ALK: variants seen among roughly 807,000 people sequenced by gnomAD.
ALK encodes the protein ALK tyrosine kinase receptor.
In ALK, 74 loss-of-function variants were observed where a neutral mutation model predicts 163.1. The ratio of observed to expected loss-of-function variants is 0.45; its 90% CI spans 0.38 to 0.55. ALK has a LOEUF of 0.55. Among genes scored for constraint, ALK ranks in the 20% least tolerant of loss-of-function variants. ALK has a pLI of 0.00. For synonymous variants in ALK, 960 were observed against 843.2 expected (o/e 1.14, Z -2.40); for missense variants, 2,063 against 2,105.3 (o/e 0.98, Z 0.39).
intron 3 of ALK, among the ~76,000 whole-genome samples, chr2:29,689,570 A>G (rs1678335906): frequency 6.6e-6 from 1 of 152,202 alleles, no homozygotes; most frequent in Non-Finnish European, 1.5e-5. Context: ...GAAGGGTCTA[A>G]GAATTCACAG....
intron 1 of ALK, among the ~76,000 whole-genome samples, chr2:29,893,218 C>T (rs1272093339): frequency 6.6e-6 from 1 of 152,134 alleles, no homozygotes; most frequent in Non-Finnish European, 1.5e-5. Flanking sequence ...AAAGATTGCT[C>T]CATTTATTCT....
At chr2:29,756,466 T>C (rs1680534457) in intron 1 of ALK, among the ~76,000 whole-genome samples, 1 of 152,082 alleles carries the variant, frequency 6.6e-6, no homozygotes, top group South Asian at 2.1e-4. Flanking sequence ...GATGTCTTTA[T>C]AACTATTTCC....
chr2:29,224,596 T>A (rs1304376373), intron 19 of ALK: 1 of 228,550 alleles, frequency 4.4e-6, no homozygotes, highest in Non-Finnish European at 8.7e-6. Context: ...CCCCAACACA[T>A]GGGCCAGGGC....
intron 3 of ALK, among the ~76,000 whole-genome samples, chr2:29,620,420 C>A (rs910021158): frequency 6.8e-6 from 1 of 147,468 alleles, no homozygotes; most frequent in Admixed American, 7.0e-5. Flanking sequence ...TTGGCAACAA[C>A]CCTATTTTCA....
intron 11 of ALK, among the ~76,000 whole-genome samples, chr2:29,253,019 G>C (rs967443233): frequency 2.0e-5 from 3 of 151,812 alleles, no homozygotes; most frequent in Non-Finnish European, 4.4e-5. Context: ...TGAGATGGGG[G>C]TCTCACTCTC....
intron 4 of ALK, among the ~76,000 whole-genome samples, chr2:29,445,284 G>A (rs532370161): frequency 6.6e-6 from 1 of 152,326 alleles, no homozygotes; most frequent in African/African-American, 2.4e-5. Flanking sequence ...CCATGGAGAT[G>A]CACGGAGAAG....
intron 4 of ALK, among the ~76,000 whole-genome samples, chr2:29,416,979 C>G (rs1348815402): frequency 5.1e-5 from 4 of 77,672 alleles, no homozygotes; most frequent in East Asian, 7.5e-4. Flanking sequence ...ATGTTTGATG[C>G]TTTTTTTTTT....
intron 1 of ALK, among the ~76,000 whole-genome samples, chr2:29,900,995 G>GAGCA (rs58490938): frequency 0.29 from 42,703 of 148,542 alleles, 6,758 homozygotes; most frequent in Non-Finnish European, 0.36. Flanking sequence ...GAGAGAGAGA[G>GAGCA]AGCAAGCAAG....
At chr2:29,907,513 C>T (rs2148435295) in intron 1 of ALK, among the ~76,000 whole-genome samples, 1 of 152,334 alleles carries the variant, frequency 6.6e-6, no homozygotes, top group African/African-American at 2.4e-5. Context: ...GGTCTCTCCA[C>T]TCCATCTGCC....
chr2:29,253,927 C>T (rs570662764), intron 11 of ALK, among the ~76,000 whole-genome samples: 9 of 152,122 alleles, frequency 5.9e-5, no homozygotes, highest in Middle Eastern at 3.4e-3. Flanking sequence ...GTGTCCCCAC[C>T]GAAATCTCAT....
At chr2:29,569,143 G>A (rs1429237149) in intron 3 of ALK, among the ~76,000 whole-genome samples, 2 of 152,080 alleles carry the variant, frequency 1.3e-5, no homozygotes, top group African/African-American at 4.8e-5. Flanking sequence ...ACTTGAACCT[G>A]CCTATGGCTT....
intron 3 of ALK, among the ~76,000 whole-genome samples, chr2:29,655,495 TAAC>T (rs1677159765): frequency 6.6e-6 from 1 of 152,158 alleles, no homozygotes. Flanking sequence ...GAGGTTTCAC[TAAC>T]AACAGAGTGC....
In ALK at chr2:29,318,388, G is replaced by A. The variant is rs79904886; in HGVS notation, c.1563C>T (p.Leu521=). The part of the protein sequence containing the change: ...FQDHQDHALL[L]STTDVPASES... ...CAGAAGCGGGGACATCAGTGGTACT[G>A]AGCAATAGAGCATGGTCTAGGAGAG... Residue 521 remains leucine (L), a synonymous_variant, in exon 8 of 29, where the codon CTC becomes CTT. Coordinates refer to ENST00000389048, the MANE Select transcript of ALK (RefSeq NM_004304.5). 3.1e-6 allele frequency: 5 copies of A among 1,612,632 alleles called. No homozygotes were observed. The Admixed American group carries it at 8.3e-5, about 27-fold the overall frequency.
At chr2:29,691,524 T>TA (rs1383928218) in intron 3 of ALK, among the ~76,000 whole-genome samples, 10 of 151,968 alleles carry the variant, frequency 6.6e-5, no homozygotes, top group African/African-American at 1.5e-4. Flanking sequence ...ACATTTACTT[T>TA]AAAAAAAACA....
chr2:29,395,965 G>A (rs1213221641), intron 4 of ALK, among the ~76,000 whole-genome samples: 2 of 152,158 alleles, frequency 1.3e-5, no homozygotes, highest in African/African-American at 4.8e-5. Context: ...AGCCTCCCAT[G>A]TCATGGAAAA....
rs570768680 is a variant in ALK at position 29,880,964 on chromosome 2, G to T, written c.667+39029C>A. On this transcript the variant is annotated intron_variant, in intron 1 of 28. Transcript: ENST00000389048. Reference sequence around the variant, plus strand: ...TTAACTTTTTAGTAGTCTAGATCTGGCCCCGGACAGAGAAAGGAGCCAAGG... The same window carrying T: ...TTAACTTTTTAGTAGTCTAGATCTGTCCCCGGACAGAGAAAGGAGCCAAGG... Among the ~76,000 whole-genome samples, 5 of 152,244 alleles carry T rather than the reference G, an allele frequency of 3.3e-5. No homozygotes were observed. In the East Asian group the frequency reaches 9.6e-4, roughly 29 times the overall value.
Position 29,193,203 on chromosome 2 carries a change from G to GAA in ALK, c.*19_*20dup. 1 of 1,611,302 alleles carries GAA rather than the reference G, an allele frequency of 6.2e-7. No individual in the cohort carries two copies. The highest frequency in any genetic ancestry group is 8.5e-7 in the Non-Finnish European group (1 of 1,178,096). On this transcript the variant is annotated 3_prime_UTR_variant, in exon 29 of 29. Transcript: ENST00000389048. ...ACGGTCTTAGGGATCCCAAGGAAGA[G>GAA]AAGTGAGTGTGCGACCGAGCTCAGG...
At chr2:29,257,651 C>T (rs189162839) in intron 11 of ALK, among the ~76,000 whole-genome samples, 6 of 152,284 alleles carry the variant, frequency 3.9e-5, no homozygotes, top group East Asian at 1.9e-4. Context: ...TATTGTACCA[C>T]GGAAGAGCGC....
At chr2:29,729,415 G>T (rs1374737009) in intron 1 of ALK, among the ~76,000 whole-genome samples, 1 of 152,208 alleles carries the variant, frequency 6.6e-6, no homozygotes, top group African/African-American at 2.4e-5. Flanking sequence ...CTGCAACAAA[G>T]AAGGGAAGAA....
Sources: allele counts gnomAD v4.1 joint callset (sites outside exome capture counted in the v4.1 genomes callset), GRCh38; gene constraint gnomAD v4.1.1; transcripts MANE v1.5; gene names NCBI Gene and HGNC (gene_info 2026-07-23, HGNC 2026-07-21).